The following SURF6 variants were observed in gnomAD, a reference collection of about 807,000 sequenced individuals.
SURF6 encodes the protein surfeit 6, also known as surfeit locus protein 6.
A neutral mutation model predicts 37.5 loss-of-function variants in SURF6; 28 were observed. The ratio of observed to expected loss-of-function variants is 0.75; its 90% CI spans 0.55 to 1.02. The LOEUF is 1.02. Ranked by LOEUF, SURF6 falls within the 50% of genes least tolerant of loss-of-function variation. SURF6 has a pLI of 0.00. For synonymous variants in SURF6, 248 were observed against 210.9 expected (o/e 1.18, Z -1.52); for missense variants, 560 against 490.5 (o/e 1.14, Z -1.34).
intron 3 of SURF6, 57 bp downstream of exon 3, chr9:133,333,661 C>A: frequency 6.5e-7 from 1 of 1,547,082 alleles, no homozygotes; most frequent in Non-Finnish European, 8.9e-7. Context: ...TGACAGCTGA[C>A]CCCAGGGAGA....
rs911988680 is a variant in SURF6 at position 133,330,682 on chromosome 9, C to T, written c.*1187G>A. On this transcript the variant is annotated 3_prime_UTR_variant, in exon 5 of 5. Coordinates refer to ENST00000372022, the MANE Select transcript of SURF6 (RefSeq NM_006753.6). ...TGCCACTGCACTCCAGCCTGAGTGACAGAGCAAGACTCTATCTAAAAAACA... is the reference window on the plus strand; with the variant it reads ...TGCCACTGCACTCCAGCCTGAGTGATAGAGCAAGACTCTATCTAAAAAACA... 3 of 151,794 alleles carry T rather than the reference C, an allele frequency of 2.0e-5. No homozygotes were observed. Among genetic ancestry groups the T allele is most frequent in the African/African-American group, 7.3e-5 (3 of 41,298 alleles). 9.4% of individuals were successfully genotyped at this position (151,794 alleles called of 1,614,324 possible).
Position 133,329,996 on chromosome 9 carries a change from T to C in SURF6, c.*1873A>G, listed in dbSNP as rs909013893. On this transcript the variant is annotated 3_prime_UTR_variant, in exon 5 of 5. Transcript: ENST00000372022. Reference sequence around the variant, plus strand: ...GTAAAACCGTCTAGGGGAACATTCTTAACTACTGACTCAATTTCATCAGTG... The same window carrying C: ...GTAAAACCGTCTAGGGGAACATTCTCAACTACTGACTCAATTTCATCAGTG... The C allele has an allele frequency of 6.6e-6, 1 of 152,230 alleles. No homozygotes were observed. The highest frequency in any genetic ancestry group is 1.5e-5 in the Non-Finnish European group (1 of 68,028). 9.4% of individuals were successfully genotyped at this position (152,230 alleles called of 1,614,324 possible).
At chr9:133,333,570 A>G (rs1323172998) in intron 3 of SURF6, 148 bp downstream of exon 3, 1 of 677,152 alleles carries the variant, frequency 1.5e-6, no homozygotes, top group Non-Finnish European at 2.5e-6. Flanking sequence ...CTCCAAGAAA[A>G]TAACTGCTCT....
chr9:133,334,259 G>T, intron 2 of SURF6, 133 bp downstream of exon 2: 1 of 787,228 alleles, frequency 1.3e-6, no homozygotes, highest in Non-Finnish European at 2.0e-6. Context: ...TGTGATCTTT[G>T]CTCTTGGGGA....
chr9:133,335,851 G>T (rs973520709), intron 1 of SURF6, among the ~76,000 whole-genome samples, 188 bp downstream of exon 1: 1 of 152,138 alleles, frequency 6.6e-6, no homozygotes, highest in African/African-American at 2.4e-5. Context: ...ACGCCAGCCT[G>T]GACGACAGAG....
In SURF6 at chr9:133,336,146, G is replaced by A. The variant is rs2129934658; in HGVS notation, c.-14C>T. The A allele has an allele frequency of 1.1e-5, 18 of 1,607,960 alleles. No homozygotes were observed. Among genetic ancestry groups the A allele is most frequent in the South Asian group, 8.8e-5 (8 of 90,882 alleles). On this transcript the variant is annotated 5_prime_UTR_variant, in exon 1 of 5. Transcript: ENST00000372022. ...TAGAGAGGCCATGGCGGAGACCCGG[G>A]CCGTTCACGACTCACACCTTCCCCG...
rs1000816913 is a variant in SURF6 at position 133,329,417 on chromosome 9, G to A, written c.*2452C>T. On this transcript the variant is annotated 3_prime_UTR_variant, in exon 5 of 5. Transcript: ENST00000372022. ...CAGGGAAAGGGACACTCCCTTTCCC[G>A]GTCTGCTAAGTAGCGGGTGTTGTTC... The A allele has an allele frequency of 4.6e-5, 13 of 283,360 alleles. No homozygotes were observed. The highest frequency in any genetic ancestry group is 6.8e-5 in the African/African-American group (3 of 44,224). The allele number at this position is 283,360 out of a possible 1,614,324, so 17.6% of individuals were successfully genotyped here.
Position 133,333,775 on chromosome 9 carries a change from A to G in SURF6, c.336T>C (p.Phe112=). 2.5e-6 allele frequency: 4 copies of G among 1,613,920 alleles called. No individual in the cohort carries two copies. The highest frequency in any genetic ancestry group is 3.4e-6 in the Non-Finnish European group (4 of 1,179,936). ...GTCGCTGTCGCAGAACATCCAGAGC[A>G]AAGACAGACTCAGGCTCAGTGGCCA... ...DGLATEPESV[F]ALDVLRQRLH... is the part of the protein sequence containing the mutation. The change falls in exon 3 of 5, where the codon TTT becomes TTC. Residue 112 remains phenylalanine (F), a synonymous_variant. Coordinates refer to ENST00000372022, the MANE Select transcript of SURF6 (RefSeq NM_006753.6).
At chr9:133,335,428 C>T (rs943046625) in intron 1 of SURF6, among the ~76,000 whole-genome samples, 1 of 152,056 alleles carries the variant, frequency 6.6e-6, no homozygotes, top group Non-Finnish European at 1.5e-5. Flanking sequence ...ATATATCGTC[C>T]TTGAATAAAA....
rs1036403102 is a variant in SURF6 at position 133,329,380 on chromosome 9, T to C, written c.*2489A>G. The C allele has an allele frequency of 3.5e-5, 8 of 231,426 alleles. No homozygotes were observed. The highest frequency in any genetic ancestry group is 1.0e-4 in the Admixed American group (2 of 19,378). The allele number at this position is 231,426 out of a possible 1,614,324, so 14.3% of individuals were successfully genotyped here. A position where few individuals can be genotyped will look rare whatever the true frequency, so the allele number is the denominator to read the frequency against. ...CAAGAGGTGGAAGAGCAGAGTCTTCTCTAAACTCCTCCAGGGAAAGGGACA... is the reference window on the plus strand; with the variant it reads ...CAAGAGGTGGAAGAGCAGAGTCTTCCCTAAACTCCTCCAGGGAAAGGGACA... On this transcript the variant is annotated 3_prime_UTR_variant, in exon 5 of 5. Transcript: ENST00000372022.
At position 133,335,931 on chromosome 9, in the gene SURF6, A is replaced by G. The variant is rs141792301; in HGVS notation, c.94+108T>C. On this transcript the variant is annotated intron_variant, in intron 1 of 4. Transcript: ENST00000372022. ...ATAAGGGAAACGGCGATAATTTCAC[A>G]AGTCACTTAGATTTTTTTTCTAGTA... 49 of 842,482 alleles carry G rather than the reference A, an allele frequency of 5.8e-5. No homozygotes were observed. In the East Asian group the frequency reaches 1.4e-3, roughly 24 times the overall value. 52.2% of individuals were successfully genotyped at this position (842,482 alleles called of 1,614,324 possible).
In SURF6 at chr9:133,331,767, G is replaced by A; in HGVS notation, c.*102C>T. ...CACTGTGTCCCCCTCACATGGAGAG[G>A]CCGAGGTCTGTGGAGATCCTGGGAC... On this transcript the variant is annotated 3_prime_UTR_variant, in exon 5 of 5. Transcript: ENST00000372022. 7.1e-7 allele frequency: 1 copy of A among 1,414,080 alleles called. No homozygotes were observed. The highest frequency in any genetic ancestry group is 9.2e-7 in the Non-Finnish European group (1 of 1,087,446). 87.6% of individuals were successfully genotyped at this position (1,414,080 alleles called of 1,614,324 possible).
At chr9:133,335,990 G>T in intron 1 of SURF6, 49 bp downstream of exon 1, 1 of 1,525,324 alleles carries the variant, frequency 6.6e-7, no homozygotes, top group Non-Finnish European at 9.0e-7. Flanking sequence ...CTCCGGCCGC[G>T]TCCCCCGTTT....
intron 4 of SURF6, 25 bp downstream of exon 4, chr9:133,332,523 G>A (rs2129918744): frequency 6.9e-6 from 11 of 1,600,416 alleles, no homozygotes; most frequent in Non-Finnish European, 7.7e-6. Flanking sequence ...GACCCAGCCC[G>A]CCCAAGGACC....
chr9:133,335,893 AC>A, intron 1 of SURF6, 145 bp downstream of exon 1: 1 of 689,140 alleles, frequency 1.5e-6, no homozygotes. Context: ...AAAAACAAAA[AC>A]AAAAAAAACA....
In SURF6 at chr9:133,332,017, C is replaced by G; in HGVS notation, c.938G>C (p.Gly313Ala). ...RQRRWEKRTA[G>A]VVEKMQQRQD... The stretch of plus-strand genomic sequence containing the variant: ...GCGCTGCTGCATCTTCTCCACCACG[C>G]CGGCCGTGCGCTTCTCCCACCGGCG... Residue 313 changes from glycine (G) to alanine (A), a missense_variant, in exon 5 of 5, where the codon GGC (glycine) becomes GCC (alanine). Physicochemically the swap from Gly to Ala is moderately conservative, Grantham distance 60. Coordinates refer to ENST00000372022, the MANE Select transcript of SURF6 (RefSeq NM_006753.6). 1 of 1,600,642 alleles carries G rather than the reference C, an allele frequency of 6.2e-7. No individual in the cohort carries two copies. Among genetic ancestry groups the G allele is most frequent in the Non-Finnish European group, 8.5e-7 (1 of 1,179,186 alleles).
At position 133,332,559 on chromosome 9, in the gene SURF6, T is replaced by A; in HGVS notation, c.595A>T (p.Ile199Phe). Residue 199 changes from isoleucine to phenylalanine, a missense_variant, in exon 4 of 5, where the codon ATC becomes TTC. Coordinates refer to ENST00000372022, the MANE Select transcript of SURF6 (RefSeq NM_006753.6). ...CAGCTCCCGCTCACCTTATTGAAGA[T>A]CAGCCCGGGCGGCTCCCGCGGCTCC... is the stretch of plus-strand genomic sequence containing the variant. ...CTEPREPPGL[I>F]FNKVEVSEDE... The A allele has an allele frequency of 6.2e-7, 1 of 1,608,656 alleles. No individual in the cohort carries two copies. Among genetic ancestry groups the A allele is most frequent in the Non-Finnish European group, 8.5e-7 (1 of 1,179,824 alleles).
Position 133,330,518 on chromosome 9 carries a change from CCAT to C in SURF6, c.*1348_*1350del, listed in dbSNP as rs1835698645. 1 of 152,210 alleles carries C rather than the reference CCAT, an allele frequency of 6.6e-6. No homozygotes were observed. The highest frequency in any genetic ancestry group is 1.5e-5 in the Non-Finnish European group (1 of 68,042). The allele number at this position is 152,210 out of a possible 1,614,324, so 9.4% of individuals were successfully genotyped here. On this transcript the variant is annotated 3_prime_UTR_variant, in exon 5 of 5. Coordinates refer to ENST00000372022, the MANE Select transcript of SURF6 (RefSeq NM_006753.6). ...GAGCTGGGATTGACAGCATGAGCCA[CCAT>C]GCCAGGCCCTGTTCCACAAATTTTA...
rs2129919953 is a variant in SURF6, at chr9:133,332,602, G to C, written c.552C>G (p.Thr184=). 6.2e-7 allele frequency: 1 copy of C among 1,610,352 alleles called. No homozygotes were observed. Among genetic ancestry groups the C allele is most frequent in the Non-Finnish European group, 8.5e-7 (1 of 1,179,988 alleles). Residue 184 remains threonine (T), a synonymous_variant, in exon 4 of 5, where the codon ACC becomes ACG. Transcript: ENST00000372022. The part of the protein sequence containing the change: ...ATEAQEVVEA[T]PEGACTEPRE... ...GCGGCTCCGTGCAGGCCCCCTCTGG[G>C]GTTGCCTCCACCACCTCCTGGGCCT... is the stretch of plus-strand genomic sequence containing the variant.
Sources: allele counts gnomAD v4.1 joint callset (sites outside exome capture counted in the v4.1 genomes callset), GRCh38; gene constraint gnomAD v4.1.1; transcripts MANE v1.5; gene names NCBI Gene and HGNC (gene_info 2026-07-23, HGNC 2026-07-21).